Variants in MTX2 observed in about 807,000 individuals in gnomAD.
The protein encoded by MTX2 is metaxin 2, also known as metaxin-2.
A neutral mutation model predicts 42.3 loss-of-function variants in MTX2; 35 were observed. The ratio of observed to expected loss-of-function variants is 0.83; its 90% CI spans 0.63 to 1.10. The LOEUF is 1.10. Among genes scored for constraint, MTX2 ranks in the 50% least tolerant of loss-of-function variants. MTX2 has a pLI of 0.00. For missense variants in MTX2, 307 were observed against 304.1 expected, an observed-to-expected ratio of 1.01 and a Z score of -0.07; for synonymous variants, 119 against 100.9, an observed-to-expected ratio of 1.18 and a Z score of -1.08.
At chr2:176,305,588 C>A (rs566246167) in intron 3 of MTX2, among the ~76,000 whole-genome samples, 1 of 152,138 alleles carries the variant, frequency 6.6e-6, no homozygotes, top group Non-Finnish European at 1.5e-5. Flanking sequence ...TTTATCCGTT[C>A]ATTTATTGGT....
chr2:176,279,147 A>T (rs1018027262), intron 1 of MTX2, among the ~76,000 whole-genome samples: 12 of 152,306 alleles, frequency 7.9e-5, no homozygotes, highest in Middle Eastern at 3.4e-3. Flanking sequence ...TTTATCTCTA[A>T]GAACTTGTAT....
At chr2:176,324,679 TCTAC>T (rs2105441038) in intron 4 of MTX2, among the ~76,000 whole-genome samples, 1 of 151,882 alleles carries the variant, frequency 6.6e-6, no homozygotes, top group Admixed American at 6.6e-5. Flanking sequence ...ATATAGTTTA[TCTAC>T]CTGTTTCCTA....
chr2:176,327,828 A>G (rs1434600633), intron 5 of MTX2, among the ~76,000 whole-genome samples: 1 of 151,012 alleles, frequency 6.6e-6, no homozygotes, highest in East Asian at 1.9e-4. Flanking sequence ...TGCCAGATTG[A>G]ACTAAAGGTT....
chr2:176,288,204 A>G (rs1693250585), intron 1 of MTX2, among the ~76,000 whole-genome samples: 1 of 152,086 alleles, frequency 6.6e-6, no homozygotes, highest in Non-Finnish European at 1.5e-5. Context: ...AATTTAATAT[A>G]TAGCCCTTAA....
At chr2:176,285,715 T>C (rs1176408590) in intron 1 of MTX2, among the ~76,000 whole-genome samples, 1 of 152,140 alleles carries the variant, frequency 6.6e-6, no homozygotes, top group Non-Finnish European at 1.5e-5. Context: ...AGTACTTAAC[T>C]TGGTTCTTTC....
chr2:176,304,748 C>T (rs909961440), intron 3 of MTX2, among the ~76,000 whole-genome samples: 7 of 151,826 alleles, frequency 4.6e-5, no homozygotes, highest in Non-Finnish European at 8.8e-5. Context: ...TGCATGCTTG[C>T]GAGTAGTCGT....
intron 1 of MTX2, among the ~76,000 whole-genome samples, chr2:176,294,995 A>G (rs1683822088): frequency 6.6e-6 from 1 of 152,222 alleles, no homozygotes; most frequent in Non-Finnish European, 1.5e-5. Context: ...AACATAGATG[A>G]TAATATTGAG....
In MTX2 at chr2:176,337,339, G is replaced by A. The variant is rs948355896; in HGVS notation, c.621-154G>A. On this transcript the variant is annotated intron_variant, in intron 9 of 9. Coordinates refer to ENST00000249442, the MANE Select transcript of MTX2 (RefSeq NM_006554.5). ...TTACAGGCATGAGCCACCATGCTTG[G>A]CCTATATTGTTATTTCTAATCTTTT... Among the ~76,000 whole-genome samples, 4 of 152,264 alleles carry A rather than the reference G, an allele frequency of 2.6e-5. No individual in the cohort carries two copies. In the South Asian group the frequency reaches 6.2e-4, roughly 24 times the overall value.
chr2:176,324,575 T>C (rs1391802598), intron 4 of MTX2, among the ~76,000 whole-genome samples: 3 of 151,700 alleles, frequency 2.0e-5, no homozygotes, highest in Non-Finnish European at 4.4e-5. Flanking sequence ...TTTTCCTCTA[T>C]GTAGTCATAC....
At chr2:176,326,965 C>CTTAA (rs1340424508) in intron 5 of MTX2, 64 bp downstream of exon 5, 3 of 948,238 alleles carry the variant, frequency 3.2e-6, no homozygotes, top group Non-Finnish European at 4.7e-6. Context: ...TTTAATGTGT[C>CTTAA]TTAACATTTA....
At position 176,269,558 on chromosome 2, in the gene MTX2, C is replaced by T. The variant is rs1201687162; in HGVS notation, c.-72C>T. On this transcript the variant is annotated 5_prime_UTR_variant, in exon 1 of 10. Coordinates refer to ENST00000249442, the MANE Select transcript of MTX2 (RefSeq NM_006554.5). ...GCTAGGCTCGTTAACTGCCGAGAGCCTCCGGGTTTGCGGTGGAGGACGCTG... is the reference window on the plus strand; with the variant it reads ...GCTAGGCTCGTTAACTGCCGAGAGCTTCCGGGTTTGCGGTGGAGGACGCTG... The T allele has an allele frequency of 2.0e-6, 3 of 1,501,036 alleles. No homozygotes were observed. Among genetic ancestry groups the T allele is most frequent in the African/African-American group, 2.8e-5 (2 of 71,672 alleles). 93.0% of individuals were successfully genotyped at this position (1,501,036 alleles called of 1,614,324 possible). A position where few individuals can be genotyped will look rare whatever the true frequency, so the allele number is the denominator to read the frequency against.
chr2:176,298,835 C>T (rs1045977688), intron 3 of MTX2, among the ~76,000 whole-genome samples: 3 of 152,074 alleles, frequency 2.0e-5, no homozygotes, highest in Non-Finnish European at 4.4e-5. Context: ...TGATTCTTAA[C>T]CCTTTTAAAA....
chr2:176,317,670 G>T (rs77894957), intron 3 of MTX2, among the ~76,000 whole-genome samples: 3 of 152,216 alleles, frequency 2.0e-5, no homozygotes, highest in African/African-American at 7.2e-5. Context: ...ATATCCTGGA[G>T]TGATATCCTA....
intron 3 of MTX2, chr2:176,304,248 A>G (rs1018518086): frequency 6.5e-6 from 1 of 154,542 alleles, no homozygotes; most frequent in South Asian, 2.0e-4. Context: ...TAGTGAATCT[A>G]TTCTTTGAAC....
At chr2:176,324,351 A>T (rs1684660373) in intron 4 of MTX2, among the ~76,000 whole-genome samples, 1 of 151,554 alleles carries the variant, frequency 6.6e-6, no homozygotes, top group Non-Finnish European at 1.5e-5. Flanking sequence ...CCCCTTCTGT[A>T]CATAATGTTC....
chr2:176,312,463 A>C lies in MTX2; in HGVS notation c.136-10929A>C, dbSNP rs183017395. 1.2e-3 allele frequency among the ~76,000 whole-genome samples: 186 copies of C among 152,250 alleles called. 2 individuals are homozygous for C. In the Middle Eastern group the frequency reaches 0.024, roughly 19 times the overall value. On this transcript the variant is annotated intron_variant, in intron 3 of 9. Transcript: ENST00000249442. ...GTATGACTCTAAAAATTATTCACAA[A>C]CCTCTATATCAATATTTAGATATCT...
chr2:176,304,704 C>T (rs1684101657), intron 3 of MTX2, among the ~76,000 whole-genome samples: 1 of 151,998 alleles, frequency 6.6e-6, no homozygotes, highest in Admixed American at 6.6e-5. Flanking sequence ...TTAAAATTCA[C>T]AATCATTTTT....
intron 1 of MTX2, among the ~76,000 whole-genome samples, chr2:176,286,232 T>C (rs147640093): frequency 2.0e-4 from 31 of 152,322 alleles, no homozygotes; most frequent in African/African-American, 5.8e-4. Flanking sequence ...CTTTTTATTA[T>C]AGGGTTGTAA....
At chr2:176,332,359 T>C (rs193206276) in intron 9 of MTX2, among the ~76,000 whole-genome samples, 1 of 151,502 alleles carries the variant, frequency 6.6e-6, no homozygotes, top group African/African-American at 2.4e-5. Flanking sequence ...TGAGATACTA[T>C]GTTGAATAGA....
Sources: gnomAD v4.1 joint callset for allele counts (sites outside exome capture counted in the v4.1 genomes callset) on GRCh38, gnomAD v4.1.1 for gene constraint, MANE v1.5 for transcripts, NCBI Gene and HGNC (gene_info 2026-07-23, HGNC 2026-07-21) for gene names.